Variants in CCDC91 observed in about 807,000 individuals in gnomAD.
CCDC91 encodes the protein coiled-coil domain containing 91, also known as coiled-coil domain-containing protein 91.
A neutral mutation model predicts 63.2 loss-of-function variants in CCDC91; 48 were observed. The observed-to-expected ratio is 0.76, with a 90% CI of 0.60 to 0.97. CCDC91 has a LOEUF of 0.97. CCDC91 is among the 50% of genes least tolerant of loss of function. The probability of loss-of-function intolerance (pLI) is 0.00; values close to 1 mark genes in which losing one functional copy is unlikely to be tolerated. For synonymous variants in CCDC91, 167 were observed against 165.8 expected (o/e 1.01, Z -0.06); for missense variants, 500 against 494.6 (o/e 1.01, Z -0.10).
At chr12:28,451,141 T>C (rs979331273) in intron 10 of CCDC91, among the ~76,000 whole-genome samples, 2 of 151,718 alleles carry the variant, frequency 1.3e-5, no homozygotes, top group African/African-American at 4.8e-5. Context: ...TTTTATTCCA[T>C]AGGATAAGGG....
intron 3 of CCDC91, among the ~76,000 whole-genome samples, chr12:28,304,992 A>G (rs1346730628): frequency 6.6e-6 from 1 of 152,106 alleles, no homozygotes; most frequent in African/African-American, 2.4e-5. Context: ...AAAAGTTATT[A>G]TTTTTCTGTA....
At chr12:28,506,609 A>G (rs1295793733) in intron 12 of CCDC91, among the ~76,000 whole-genome samples, 2 of 152,012 alleles carry the variant, frequency 1.3e-5, no homozygotes, top group African/African-American at 4.8e-5. Context: ...TTTACCAGTC[A>G]CTGTGATTCA....
intron 12 of CCDC91, among the ~76,000 whole-genome samples, chr12:28,531,249 C>T (rs4144964): frequency 0.39 from 58,473 of 151,842 alleles, 11,661 homozygotes; most frequent in South Asian, 0.46. Context: ...TAGGTGAGAG[C>T]GCTCAGTACT....
At chr12:28,482,180 T>G (rs964731063) in intron 11 of CCDC91, among the ~76,000 whole-genome samples, 3 of 151,976 alleles carry the variant, frequency 2.0e-5, no homozygotes, top group African/African-American at 7.2e-5. Flanking sequence ...GAGCTTAGTA[T>G]GTATGTAATA....
chr12:28,362,492 A>C lies in CCDC91; in HGVS notation c.631A>C (p.Ser211Arg), dbSNP rs777662994. ...GAGGAAAGCTGGTCACGAAGCCCTCAGCATTATTGTGGATGAATATAAGGT... is the reference window on the plus strand; with the variant it reads ...GAGGAAAGCTGGTCACGAAGCCCTCCGCATTATTGTGGATGAATATAAGGT... Reference protein sequence around the residue: ...DMRKAGHEALSIIVDEYKALL... With the variant: ...DMRKAGHEALRIIVDEYKALL... The change falls in exon 7 of 13, where the codon AGC (serine) becomes CGC (arginine). Residue 211 changes from serine (S) to arginine (R), a missense_variant. Ser to Arg is a moderately radical substitution (Grantham distance 110, BLOSUM62 -1). Coordinates refer to ENST00000536442, the MANE Select transcript of CCDC91 (RefSeq NM_018318.5). The C allele has an allele frequency of 6.3e-7, 1 of 1,596,712 alleles. No individual in the cohort carries two copies. The highest frequency in any genetic ancestry group is 8.5e-7 in the Non-Finnish European group (1 of 1,171,376).
intron 1 of CCDC91, among the ~76,000 whole-genome samples, chr12:28,245,712 A>G (rs1319231825): frequency 6.6e-6 from 1 of 152,188 alleles, no homozygotes; most frequent in Non-Finnish European, 1.5e-5. Flanking sequence ...TGATAATCAT[A>G]TGAAGAAATT....
At chr12:28,503,095 A>G (rs1938175834) in intron 12 of CCDC91, among the ~76,000 whole-genome samples, 1 of 152,216 alleles carries the variant, frequency 6.6e-6, no homozygotes, top group Non-Finnish European at 1.5e-5. Flanking sequence ...GATCTAATTA[A>G]ACTAAAGAGC....
intron 7 of CCDC91, among the ~76,000 whole-genome samples, chr12:28,386,987 G>T (rs1202255052): frequency 6.6e-6 from 1 of 151,392 alleles, no homozygotes. Context: ...CTTTGTCTTG[G>T]GTATCTGTAG....
chr12:28,210,476 C>T (rs1943156640), intron 1 of CCDC91, among the ~76,000 whole-genome samples: 1 of 152,018 alleles, frequency 6.6e-6, no homozygotes, highest in South Asian at 2.1e-4. Context: ...TTGTAAGTTT[C>T]TATTTACCAG....
intron 1 of CCDC91, among the ~76,000 whole-genome samples, chr12:28,209,614 AG>A (rs1468319204): frequency 6.6e-6 from 1 of 152,042 alleles, no homozygotes; most frequent in Non-Finnish European, 1.5e-5. Context: ...TATTTTTAGT[AG>A]AGACAGGGTT....
At chr12:28,306,511 A>G (rs1938748542) in intron 4 of CCDC91, among the ~76,000 whole-genome samples, 1 of 152,116 alleles carries the variant, frequency 6.6e-6, no homozygotes, top group East Asian at 1.9e-4. Context: ...TAGCAAAATA[A>G]TGAATACTTT....
chr12:28,194,142 T>A (rs1208617676), intron 1 of CCDC91, among the ~76,000 whole-genome samples: 1 of 152,152 alleles, frequency 6.6e-6, no homozygotes, highest in South Asian at 2.1e-4. Flanking sequence ...ATTTTTTTTC[T>A]TATGTTTTCT....
chr12:28,530,635 T>C (rs977246661), intron 12 of CCDC91, among the ~76,000 whole-genome samples: 5 of 152,206 alleles, frequency 3.3e-5, no homozygotes, highest in African/African-American at 1.2e-4. Context: ...AGAACATGGT[T>C]CTTTTTAAGA....
intron 3 of CCDC91, among the ~76,000 whole-genome samples, chr12:28,264,795 G>A (rs11049495): frequency 0.2 from 30,504 of 151,582 alleles, 4,017 homozygotes; most frequent in Non-Finnish European, 0.3. Flanking sequence ...CAGAATCCAT[G>A]GAGTTTATTT....
Position 28,450,992 on chromosome 12 carries a change from C to T in CCDC91, c.924+574C>T, listed in dbSNP as rs117399412. 1.6e-4 allele frequency among the ~76,000 whole-genome samples: 24 copies of T among 151,590 alleles called. No homozygotes were observed. In the East Asian group the frequency reaches 4.6e-3, roughly 29 times the overall value. On this transcript the variant is annotated intron_variant, in intron 10 of 12. Transcript: ENST00000536442. The stretch of plus-strand genomic sequence containing the variant: ...AGATAAGAAAAATACTATTTATATA[C>T]CAAGAGGGCAAGGAGGAATGCACTA...
intron 6 of CCDC91, among the ~76,000 whole-genome samples, chr12:28,310,015 C>T (rs1939152678): frequency 6.6e-6 from 1 of 151,934 alleles, no homozygotes; most frequent in East Asian, 1.9e-4. Context: ...CCCAGTAGTA[C>T]TTGGCATATA....
At chr12:28,463,060 C>A (rs765606959) in intron 11 of CCDC91, among the ~76,000 whole-genome samples, 56 of 152,268 alleles carry the variant, frequency 3.7e-4, no homozygotes, top group African/African-American at 1.3e-3. Flanking sequence ...TACATGAAAA[C>A]ATGGTAGCTT....
At chr12:28,277,927 G>C (rs1036789773) in intron 3 of CCDC91, among the ~76,000 whole-genome samples, 3 of 151,892 alleles carry the variant, frequency 2.0e-5, no homozygotes, top group African/African-American at 7.3e-5. Flanking sequence ...TGTCATACTA[G>C]TGGCCCAGTG....
intron 1 of CCDC91, among the ~76,000 whole-genome samples, chr12:28,196,903 C>A (rs1307906140): frequency 2.6e-5 from 4 of 152,074 alleles, no homozygotes. Context: ...GTACTTGCAT[C>A]ATGAATTATT....
Sources: allele counts gnomAD v4.1 joint callset (sites outside exome capture counted in the v4.1 genomes callset), GRCh38; gene constraint gnomAD v4.1.1; transcripts MANE v1.5; gene names NCBI Gene and HGNC (gene_info 2026-07-23, HGNC 2026-07-21).